Variants in SPOCK3 observed in about 807,000 individuals in gnomAD.
SPOCK3 encodes the protein testican-3.
SPOCK3 carries 30 observed loss-of-function variants against 56.6 expected under a neutral mutation model. The observed-to-expected ratio is 0.53, with a 90% CI of 0.40 to 0.72. The LOEUF (loss-of-function observed/expected upper bound fraction) is 0.72, where lower values mean the gene tolerates loss of function less well. Among genes scored for constraint, SPOCK3 ranks in the 30% least tolerant of loss-of-function variants. The probability of loss-of-function intolerance (pLI) is 0.00; values close to 1 mark genes in which losing one functional copy is unlikely to be tolerated. For missense variants in SPOCK3, 527 were observed against 530.0 expected (o/e 0.99, Z 0.06); for synonymous variants, 196 against 183.3 (o/e 1.07, Z -0.56).
At chr4:166,948,963 A>G (rs1246618102) in intron 4 of SPOCK3, among the ~76,000 whole-genome samples, 5 of 152,158 alleles carry the variant, frequency 3.3e-5, no homozygotes, top group Non-Finnish European at 7.3e-5. Flanking sequence ...CATTCTCCCC[A>G]TCACTTTCAC....
rs142687720 is a variant in SPOCK3, at chr4:167,180,500, C to T, written c.189+53485G>A. ...AGGAGAAAGGATAAAATTAAGAGAA[C>T]CTTGAAAGAGAGGTTACGTTTCTAT... On this transcript the variant is annotated intron_variant, in intron 2 of 10. Coordinates refer to ENST00000357545, the MANE Select transcript of SPOCK3 (RefSeq NM_001040159.2). Among the ~76,000 whole-genome samples, 13 of 152,212 alleles carry T rather than the reference C, an allele frequency of 8.5e-5. 1 individual carries two copies. In the East Asian group the frequency reaches 2.5e-3, roughly 29 times the overall value.
chr4:167,204,286 T>TGTATCCTC (rs1163286464), intron 2 of SPOCK3, among the ~76,000 whole-genome samples: 71 of 152,080 alleles, frequency 4.7e-4, no homozygotes, highest in African/African-American at 1.6e-3. Context: ...AGAAAAAACT[T>TGTATCCTC]GTATCCTCCT....
At chr4:166,755,084 T>C (rs13116696) in intron 7 of SPOCK3, among the ~76,000 whole-genome samples, 50,122 of 151,852 alleles carry the variant, frequency 0.33, 8,436 homozygotes, top group Admixed American at 0.42. Flanking sequence ...GTAAATACTA[T>C]TTTAAAACAT....
At chr4:167,169,299 C>A (rs1168415158) in intron 2 of SPOCK3, among the ~76,000 whole-genome samples, 1 of 152,188 alleles carries the variant, frequency 6.6e-6, no homozygotes. Flanking sequence ...ACATTCAATG[C>A]CAGACTGTGA....
chr4:167,135,244 C>T (rs1763015103), intron 2 of SPOCK3, among the ~76,000 whole-genome samples: 1 of 151,880 alleles, frequency 6.6e-6, no homozygotes, highest in Non-Finnish European at 1.5e-5. Context: ...AAAATGCATA[C>T]ATAGAAAATG....
intron 6 of SPOCK3, among the ~76,000 whole-genome samples, chr4:166,819,165 C>CA (rs1268360353): frequency 6.6e-6 from 1 of 151,980 alleles, no homozygotes; most frequent in East Asian, 1.9e-4. Flanking sequence ...ATCTAATACC[C>CA]ATTCATTCAT....
At chr4:166,790,645 G>T (rs1182886175) in intron 7 of SPOCK3, among the ~76,000 whole-genome samples, 1 of 152,146 alleles carries the variant, frequency 6.6e-6, no homozygotes, top group Admixed American at 6.5e-5. Context: ...TTTATTGACA[G>T]AAAAAGCTAG....
At chr4:166,830,014 T>C (rs529375071) in intron 6 of SPOCK3, among the ~76,000 whole-genome samples, 1 of 152,252 alleles carries the variant, frequency 6.6e-6, no homozygotes, top group Admixed American at 6.5e-5. Flanking sequence ...ATTTGAATTT[T>C]TAAATGCTCA....
At chr4:166,746,931 C>A (rs144214730) in intron 8 of SPOCK3, among the ~76,000 whole-genome samples, 32,301 of 151,986 alleles carry the variant, frequency 0.21, 4,151 homozygotes, top group South Asian at 0.32. Context: ...AAGACTAAAC[C>A]AGGAAGAAGT....
chr4:166,740,093 GT>G (rs1471502134), intron 9 of SPOCK3, among the ~76,000 whole-genome samples: 1 of 152,142 alleles, frequency 6.6e-6, no homozygotes, highest in Non-Finnish European at 1.5e-5. Context: ...TGCCAGTAAA[GT>G]TGGTTGATGT....
intron 3 of SPOCK3, among the ~76,000 whole-genome samples, chr4:167,029,543 T>C (rs1162198298): frequency 6.6e-6 from 1 of 152,134 alleles, no homozygotes; most frequent in Non-Finnish European, 1.5e-5. Context: ...GATTATAATT[T>C]AACTAAATAC....
intron 4 of SPOCK3, among the ~76,000 whole-genome samples, chr4:166,919,255 A>G (rs998809840): frequency 6.6e-6 from 1 of 152,228 alleles, no homozygotes; most frequent in East Asian, 1.9e-4. Flanking sequence ...TCAGTGATTT[A>G]AAGTACATGC....
intron 3 of SPOCK3, among the ~76,000 whole-genome samples, chr4:167,026,347 A>G (rs1381001080): frequency 6.6e-6 from 1 of 152,082 alleles, no homozygotes; most frequent in Admixed American, 6.6e-5. Flanking sequence ...AATTCTTCAT[A>G]TTAGAGGTAT....
chr4:166,748,105 T>C (rs1735888921), intron 8 of SPOCK3, among the ~76,000 whole-genome samples: 1 of 151,272 alleles, frequency 6.6e-6, no homozygotes, highest in African/African-American at 2.5e-5. Context: ...AAGCTACCAA[T>C]GACTTTCTTC....
At chr4:166,939,395 A>G (rs1740803658) in intron 4 of SPOCK3, among the ~76,000 whole-genome samples, 1 of 152,190 alleles carries the variant, frequency 6.6e-6, no homozygotes, top group Non-Finnish European at 1.5e-5. Context: ...CATAAATAAA[A>G]TAATAAGAAC....
rs576828625 is a variant in SPOCK3, at chr4:166,901,492, C to T, written c.474+11128G>A. Among the ~76,000 whole-genome samples, 24 of 152,270 alleles carry T rather than the reference C, an allele frequency of 1.6e-4. No homozygotes were observed. The South Asian group carries it at 1.7e-3, about 11-fold the overall frequency. ...AGAAAAGTTGATAATAAATGTTTCA[C>T]TAACACATTTTGCGAAGTGAAGTGA... is the stretch of plus-strand genomic sequence containing the variant. On this transcript the variant is annotated intron_variant, in intron 5 of 10. Transcript: ENST00000357545.
At chr4:167,145,282 C>A (rs1360051291) in intron 2 of SPOCK3, among the ~76,000 whole-genome samples, 3 of 152,010 alleles carry the variant, frequency 2.0e-5, no homozygotes, top group African/African-American at 7.2e-5. Context: ...GCAGGAAGAC[C>A]AGTATTTCTG....
chr4:167,232,823 C>T (rs569051665), intron 2 of SPOCK3, among the ~76,000 whole-genome samples: 163 of 152,252 alleles, frequency 1.1e-3, no homozygotes, highest in African/African-American at 3.7e-3. Context: ...CTAGATTTGG[C>T]TTGTCAGCTA....
At chr4:166,968,712 C>T (rs1745028043) in intron 4 of SPOCK3, among the ~76,000 whole-genome samples, 1 of 148,662 alleles carries the variant, frequency 6.7e-6, no homozygotes, top group Admixed American at 6.6e-5. Flanking sequence ...CATGGAGAAC[C>T]TCTACTAGGG....
Sources: gnomAD v4.1 joint callset for allele counts (sites outside exome capture counted in the v4.1 genomes callset) on GRCh38, gnomAD v4.1.1 for gene constraint, MANE v1.5 for transcripts, NCBI Gene and HGNC (gene_info 2026-07-23, HGNC 2026-07-21) for gene names.